The following SDCCAG8 variants were observed in gnomAD, a reference collection of about 807,000 sequenced individuals.
The protein encoded by SDCCAG8 is SHH signaling and ciliogenesis regulator SDCCAG8.
Under a neutral mutation model 101.8 loss-of-function variants are expected in SDCCAG8, and 74 were observed. That is an observed-to-expected ratio of 0.73 (90% CI 0.60 to 0.88). SDCCAG8 has a LOEUF of 0.88. SDCCAG8 is among the 40% of genes least tolerant of loss of function. The pLI is 0.00. For missense variants in SDCCAG8, 787 were observed against 822.6 expected, an observed-to-expected ratio of 0.96 and a Z score of 0.53; for synonymous variants, 281 against 292.9, an observed-to-expected ratio of 0.96 and a Z score of 0.41.
chr1:243,294,709 C>CG (rs1553298457), intron 6 of SDCCAG8, among the ~76,000 whole-genome samples: 3 of 136,428 alleles, frequency 2.2e-5, no homozygotes, highest in South Asian at 2.3e-4. Flanking sequence ...CCCCCCCCCC[C>CG]ACAGCTGCCT....
At chr1:243,293,366 T>C (rs1373201637) in intron 6 of SDCCAG8, 147 bp downstream of exon 6, 1 of 825,742 alleles carries the variant, frequency 1.2e-6, no homozygotes, top group Non-Finnish European at 2.0e-6. Context: ...AGTACATTCA[T>C]GTCACTCAAT....
intron 16 of SDCCAG8, among the ~76,000 whole-genome samples, chr1:243,482,297 G>T (rs367697264): frequency 2.0e-5 from 3 of 152,158 alleles, no homozygotes; most frequent in East Asian, 1.9e-4. Flanking sequence ...TGCTTGCAGG[G>T]TGTGGCTCAG....
At chr1:243,479,169 AC>A (rs1663012190) in intron 16 of SDCCAG8, among the ~76,000 whole-genome samples, 1 of 152,218 alleles carries the variant, frequency 6.6e-6, no homozygotes, top group Non-Finnish European at 1.5e-5. Context: ...AGAATTAATG[AC>A]CTAGAGCAGT....
intron 16 of SDCCAG8, among the ~76,000 whole-genome samples, chr1:243,451,483 A>G (rs982421664): frequency 6.6e-6 from 1 of 152,100 alleles, no homozygotes; most frequent in Non-Finnish European, 1.5e-5. Flanking sequence ...TATTTCTAGG[A>G]GCCAAACATT....
At chr1:243,480,055 T>C (rs1663149778) in intron 16 of SDCCAG8, among the ~76,000 whole-genome samples, 1 of 151,366 alleles carries the variant, frequency 6.6e-6, no homozygotes, top group African/African-American at 2.4e-5. Context: ...GCTTGTGATG[T>C]CCCCCATTTC....
At chr1:243,454,606 G>A (rs922605662) in intron 16 of SDCCAG8, among the ~76,000 whole-genome samples, 7 of 152,274 alleles carry the variant, frequency 4.6e-5, no homozygotes, top group Admixed American at 3.9e-4. Flanking sequence ...CTCCAGCTAA[G>A]CATATGTTAT....
At chr1:243,411,467 C>T (rs961644745) in intron 13 of SDCCAG8, among the ~76,000 whole-genome samples, 1 of 152,048 alleles carries the variant, frequency 6.6e-6, no homozygotes, top group Non-Finnish European at 1.5e-5. Flanking sequence ...AAAATATCAC[C>T]AATTTCTAAC....
At chr1:243,385,663 G>A (rs945756309) in intron 13 of SDCCAG8, among the ~76,000 whole-genome samples, 3 of 152,176 alleles carry the variant, frequency 2.0e-5, no homozygotes, top group South Asian at 2.1e-4. Context: ...GTATCACCTC[G>A]GAGGTTAAGA....
intron 3 of SDCCAG8, among the ~76,000 whole-genome samples, chr1:243,272,846 A>G (rs1446684641): frequency 3.3e-5 from 5 of 152,256 alleles, no homozygotes; most frequent in Non-Finnish European, 5.9e-5. Flanking sequence ...ATAACATATT[A>G]GAAATACATG....
At chr1:243,291,353 A>AT (rs777245280) in intron 5 of SDCCAG8, among the ~76,000 whole-genome samples, 17 of 152,210 alleles carry the variant, frequency 1.1e-4, no homozygotes, top group Non-Finnish European at 2.2e-4. Flanking sequence ...GGTTTGTTTG[A>AT]TAAATTTTGA....
intron 10 of SDCCAG8, among the ~76,000 whole-genome samples, chr1:243,340,688 T>G (rs2075334423): frequency 6.6e-6 from 1 of 152,226 alleles, no homozygotes; most frequent in Admixed American, 6.5e-5. Context: ...GTTTAAGAGT[T>G]GTATGCTTCT....
At chr1:243,268,941 T>A (rs1402920747) in intron 1 of SDCCAG8, among the ~76,000 whole-genome samples, 2 of 151,878 alleles carry the variant, frequency 1.3e-5, no homozygotes, top group Non-Finnish European at 2.9e-5. Context: ...CTTTTCTCTT[T>A]CTTCGTGCCT....
At chr1:243,457,885 T>C (rs1241696618) in intron 16 of SDCCAG8, among the ~76,000 whole-genome samples, 1 of 152,254 alleles carries the variant, frequency 6.6e-6, no homozygotes, top group Non-Finnish European at 1.5e-5. Context: ...TATTGACTTA[T>C]ACTGTGAGGC....
chr1:243,388,026 A>G (rs568688191), intron 13 of SDCCAG8, among the ~76,000 whole-genome samples: 1 of 152,186 alleles, frequency 6.6e-6, no homozygotes, highest in Admixed American at 6.5e-5. Flanking sequence ...TCTAGTACAG[A>G]TATTTTCTTG....
chr1:243,379,261 T>C (rs1468847559), intron 13 of SDCCAG8, among the ~76,000 whole-genome samples: 1 of 152,116 alleles, frequency 6.6e-6, no homozygotes, highest in East Asian at 1.9e-4. Flanking sequence ...ACAAAGTAAA[T>C]AAATTGTAAG....
At chr1:243,372,905 T>TATC (rs2077375094) in intron 12 of SDCCAG8, among the ~76,000 whole-genome samples, 1 of 128,016 alleles carries the variant, frequency 7.8e-6, no homozygotes, top group Admixed American at 7.4e-5. Flanking sequence ...ACCATATCTA[T>TATC]ATCTATATCT....
At chr1:243,433,871 G>T (rs1346922623) in intron 16 of SDCCAG8, among the ~76,000 whole-genome samples, 2 of 152,150 alleles carry the variant, frequency 1.3e-5, no homozygotes, top group African/African-American at 4.8e-5. Context: ...CTAAAATTTG[G>T]TTTTTATAAG....
chr1:243,268,682 C>CT (rs1001139250), intron 1 of SDCCAG8, among the ~76,000 whole-genome samples: 33 of 151,806 alleles, frequency 2.2e-4, no homozygotes, highest in African/African-American at 3.6e-4. Context: ...ATAACAGAGA[C>CT]TTTTTTTTTC....
intron 6 of SDCCAG8, among the ~76,000 whole-genome samples, chr1:243,297,816 T>C (rs1330825481): frequency 6.6e-6 from 1 of 152,162 alleles, no homozygotes; most frequent in East Asian, 1.9e-4. Context: ...GAGTTCTTTA[T>C]ATATTCTGAA....
Sources: allele counts gnomAD v4.1 joint callset (sites outside exome capture counted in the v4.1 genomes callset), GRCh38; gene constraint gnomAD v4.1.1; transcripts MANE v1.5; gene names NCBI Gene and HGNC (gene_info 2026-07-23, HGNC 2026-07-21).